PYY: variants seen among roughly 807,000 people sequenced by gnomAD.
PYY encodes peptide YY.
In PYY, 12 loss-of-function variants were observed where a neutral mutation model predicts 10.3. The ratio of observed to expected loss-of-function variants is 1.17; its 90% CI spans 0.75 to 1.89. The LOEUF (loss-of-function observed/expected upper bound fraction) is 1.89. PYY is among the 40% of genes most tolerant of loss of function. The pLI is 0.00. For missense variants in PYY, 141 were observed against 134.0 expected (o/e 1.05, Z -0.26); for synonymous variants, 66 against 62.0 (o/e 1.06, Z -0.30).
chr17:43,976,139 A>G (rs2048834216), intron 1 of PYY, among the ~76,000 whole-genome samples: 1 of 121,762 alleles, frequency 8.2e-6, no homozygotes, highest in Non-Finnish European at 1.7e-5. Flanking sequence ...GTATACATAT[A>G]TGTATATATA....
At chr17:43,961,233 A>C (rs558456545) in intron 2 of PYY, among the ~76,000 whole-genome samples, 2 of 152,036 alleles carry the variant, frequency 1.3e-5, no homozygotes, top group South Asian at 2.1e-4. Flanking sequence ...CTCAAAAAAA[A>C]AAACAAACAA....
rs56165869 is a variant in PYY, at chr17:43,967,842, T to G, written c.-462-1310A>C. ...ATTTTTCCTCTGATATTCCCCAGCC[T>G]CGATACAAGACAGCGCCAAATCCAG... On this transcript the variant is annotated intron_variant, in intron 1 of 6. Coordinates refer to the PYY transcript ENST00000360085. Among the ~76,000 whole-genome samples, 1,263 of 152,150 alleles carry G rather than the reference T, an allele frequency of 8.3e-3. 16 individuals carry two copies. Among genetic ancestry groups the G allele is most frequent in the African/African-American group, 0.029 (1,189 of 41,496 alleles).
At chr17:43,957,707 A>G (rs1370959479), upstream of PYY, among the ~76,000 whole-genome samples, 3 of 152,162 alleles carry the variant, frequency 2.0e-5, no homozygotes, top group Non-Finnish European at 4.4e-5. Context: ...AATATGTCTG[A>G]TAAGTGCTAT....
At chr17:43,973,631 C>A (rs1374774739) in intron 1 of PYY, among the ~76,000 whole-genome samples, 27 of 152,080 alleles carry the variant, frequency 1.8e-4, no homozygotes, top group Admixed American at 1.8e-3. Context: ...CCCGTCTCTA[C>A]TAAAAATACA....
intron 1 of PYY, among the ~76,000 whole-genome samples, chr17:43,996,247 A>G (rs559605447): frequency 6.6e-5 from 10 of 152,282 alleles, no homozygotes; most frequent in African/African-American, 2.2e-4. Context: ...GCCTGCCCAG[A>G]GAGACCACTC....
chr17:43,980,154 ACC>A (rs2048872854), intron 1 of PYY, among the ~76,000 whole-genome samples: 1 of 94,832 alleles, frequency 1.1e-5, no homozygotes, highest in African/African-American at 3.9e-5. Context: ...TTTCCCCTCC[ACC>A]TTTTTTTTTT....
chr17:43,978,105 A>G (rs1346527114), intron 1 of PYY, among the ~76,000 whole-genome samples: 1 of 151,942 alleles, frequency 6.6e-6, no homozygotes, highest in African/African-American at 2.4e-5. Context: ...CTGAGGTGGG[A>G]GGATCACTTG....
chr17:43,967,491 T>G (rs1175167035), intron 1 of PYY, among the ~76,000 whole-genome samples: 1 of 152,124 alleles, frequency 6.6e-6, no homozygotes, highest in Admixed American at 6.5e-5. Context: ...CCACAAACTC[T>G]GGGGCTAGGA....
chr17:43,976,400 T>C (rs1408425179), intron 1 of PYY, among the ~76,000 whole-genome samples: 2 of 116,760 alleles, frequency 1.7e-5, no homozygotes, highest in Non-Finnish European at 3.5e-5. Context: ...CATATACGTA[T>C]ATACATATTC....
intron 2 of PYY, among the ~76,000 whole-genome samples, chr17:43,960,532 CAA>C (rs1170040925): frequency 1.7e-5 from 1 of 59,000 alleles, no homozygotes; most frequent in Non-Finnish European, 2.8e-5. Context: ...GACTTTGTCT[CAA>C]AAAAAAAAAA....
In PYY at chr17:43,987,323, G is replaced by A. The variant is rs143775976; in HGVS notation, c.-463+17068C>T. Among the ~76,000 whole-genome samples, 61 of 152,276 alleles carry A rather than the reference G, an allele frequency of 4.0e-4. No homozygotes were observed. The East Asian group carries it at 0.01, about 26-fold the overall frequency. Reference sequence around the variant, plus strand: ...AATGTTTCTGAGCCCCTGAGACTGAGCTTCATCAGAAGCAGCTGCCTCCAG... The same window carrying A: ...AATGTTTCTGAGCCCCTGAGACTGAACTTCATCAGAAGCAGCTGCCTCCAG... On this transcript the variant is annotated intron_variant, in intron 1 of 6. Coordinates refer to the PYY transcript ENST00000360085. This position sits in a 1 kb window ranked among gnomAD's most constrained non-coding sequence, Gnocchi z 4.0.
At chr17:43,972,176 ATTTATTTTAT>A (rs372620054) in intron 1 of PYY, among the ~76,000 whole-genome samples, 1 of 142,132 alleles carries the variant, frequency 7.0e-6, no homozygotes, top group East Asian at 2.0e-4. Context: ...TTAGTTATTT[ATTTATTTTAT>A]TTTATTTTAT....
chr17:43,963,570 A>AAAAGAAAGAAAGAAAGAGAAAG lies in PYY; in HGVS notation c.-218+2717_-218+2718insCTTTCTCTTTCTTTCTTTCTTT. On this transcript the variant is annotated intron_variant, in intron 2 of 6. Transcript: ENST00000360085. The stretch of plus-strand genomic sequence containing the variant: ...AAGGGAAGGAAGGAAGGAAGGAAGG[A>AAAAGAAAGAAAGAAAGAGAAAG]AAAGAAAGAAAGAAAGAAAGAAAGA... Among the ~76,000 whole-genome samples, 3 of 104,676 alleles carry AAAAGAAAGAAAGAAAGAGAAAG rather than the reference A, an allele frequency of 2.9e-5. No individual in the cohort carries two copies. In the East Asian group the frequency reaches 1.1e-3, roughly 37 times the overall value. The allele number at this position is 104,676 out of a possible 152,430, so 68.7% of individuals were successfully genotyped here.
intron 1 of PYY, among the ~76,000 whole-genome samples, chr17:43,993,213 C>A (rs1031732265): frequency 1.3e-5 from 2 of 151,924 alleles, no homozygotes; most frequent in Non-Finnish European, 1.5e-5. Context: ...GTAATCCCAG[C>A]ACTTTGGGAG....
At chr17:43,962,077 C>T (rs928723161) in intron 2 of PYY, among the ~76,000 whole-genome samples, 1 of 152,206 alleles carries the variant, frequency 6.6e-6, no homozygotes, top group Admixed American at 6.5e-5. Context: ...TCTTCTCTTA[C>T]AATAGAGTTT....
At chr17:43,957,069 A>ATG (rs2048677378), upstream of PYY, among the ~76,000 whole-genome samples, 2 of 151,624 alleles carry the variant, frequency 1.3e-5, no homozygotes, top group African/African-American at 2.4e-5. Context: ...GTCGTGGCGC[A>ATG]TGCCTGTAGT....
intron 1 of PYY, among the ~76,000 whole-genome samples, chr17:43,992,146 T>A (rs7504090): frequency 0.35 from 51,350 of 145,248 alleles, 10,031 homozygotes; most frequent in East Asian, 0.76. Flanking sequence ...AAAAAAACCT[T>A]TACCAGATAT....
chr17:43,989,242 C>T (rs191154846), intron 1 of PYY, among the ~76,000 whole-genome samples: 16,846 of 151,800 alleles, frequency 0.11, 2,052 homozygotes, highest in East Asian at 0.62. Context: ...GGCGTGGTGG[C>T]GGGCGCCTGT....
intron 1 of PYY, among the ~76,000 whole-genome samples, chr17:43,970,336 C>T (rs904541637): frequency 2.6e-5 from 4 of 151,536 alleles, no homozygotes; most frequent in Non-Finnish European, 4.4e-5. Context: ...GAAAAAACCC[C>T]ATCTCTACTA....
Sources: allele counts gnomAD v4.1 joint callset (sites outside exome capture counted in the v4.1 genomes callset), GRCh38; gene constraint gnomAD v4.1.1; non-coding constraint Gnocchi (gnomAD v3.1); transcripts MANE v1.5; gene names NCBI Gene and HGNC (gene_info 2026-07-23, HGNC 2026-07-21).